ROBO1: variants seen among roughly 807,000 people sequenced by gnomAD.
ROBO1 encodes roundabout guidance receptor 1, also known as roundabout homolog 1.
A neutral mutation model predicts 195.9 loss-of-function variants in ROBO1; 149 were observed. That is an observed-to-expected ratio of 0.76 (90% confidence interval 0.67 to 0.87). ROBO1 has a LOEUF of 0.87. ROBO1 is among the 40% of genes least tolerant of loss of function. ROBO1 has a pLI of 0.00. For synonymous variants in ROBO1, 816 were observed against 733.2 expected, an observed-to-expected ratio of 1.11 and a Z score of -1.82; for missense variants, 1,933 against 2,068.3, an observed-to-expected ratio of 0.93 and a Z score of 1.27.
intron 4 of ROBO1, among the ~76,000 whole-genome samples, chr3:78,885,428 A>C (rs1359160771): frequency 4.0e-5 from 6 of 149,058 alleles, no homozygotes; most frequent in Admixed American, 2.7e-4. Context: ...AAAAAAAAAA[A>C]AAAAAAAAAA....
intron 2 of ROBO1, among the ~76,000 whole-genome samples, chr3:79,204,936 CTTTA>C (rs2081838941): frequency 6.6e-6 from 1 of 151,400 alleles, no homozygotes; most frequent in Admixed American, 6.6e-5. Context: ...TGTTTTTTAA[CTTTA>C]TTTTTCTCGC....
At chr3:79,056,338 A>G (rs973544817) in intron 3 of ROBO1, among the ~76,000 whole-genome samples, 3 of 152,098 alleles carry the variant, frequency 2.0e-5, no homozygotes, top group African/African-American at 7.2e-5. Context: ...TCTTCATTAT[A>G]TTGATGACAT....
chr3:79,624,384 T>A (rs1032613448), intron 1 of ROBO1, among the ~76,000 whole-genome samples: 1 of 151,948 alleles, frequency 6.6e-6, no homozygotes, highest in Non-Finnish European at 1.5e-5. Context: ...AACACCACAA[T>A]TAAAAGACAC....
chr3:79,331,156 G>T (rs1042560085), intron 2 of ROBO1, among the ~76,000 whole-genome samples: 7 of 152,096 alleles, frequency 4.6e-5, no homozygotes, highest in South Asian at 2.1e-4. Context: ...TGAAAGAGCA[G>T]AACTTTAAGA....
chr3:78,918,842 G>A (rs2038781878), intron 4 of ROBO1, among the ~76,000 whole-genome samples: 3 of 152,020 alleles, frequency 2.0e-5, no homozygotes. Flanking sequence ...CATAAAGTGA[G>A]TACTTTATGA....
chr3:79,677,660 C>T (rs1392058816), intron 1 of ROBO1, among the ~76,000 whole-genome samples: 1 of 152,068 alleles, frequency 6.6e-6, no homozygotes, highest in Non-Finnish European at 1.5e-5. Flanking sequence ...TATCAGCATG[C>T]AACTGCAAGT....
chr3:79,588,912 G>A (rs2107814252), intron 2 of ROBO1, among the ~76,000 whole-genome samples: 1 of 151,718 alleles, frequency 6.6e-6, no homozygotes, highest in South Asian at 2.1e-4. Flanking sequence ...CCAGCACAGG[G>A]AAAAATTGAA....
intron 4 of ROBO1, among the ~76,000 whole-genome samples, chr3:78,884,035 G>T (rs981461586): frequency 5.3e-5 from 8 of 152,158 alleles, no homozygotes; most frequent in Admixed American, 4.6e-4. Flanking sequence ...ACAGTGGGGA[G>T]AATGCAGATA....
chr3:78,858,528 A>G (rs1327309374), intron 4 of ROBO1, among the ~76,000 whole-genome samples: 1 of 146,392 alleles, frequency 6.8e-6, no homozygotes, highest in African/African-American at 2.5e-5. Flanking sequence ...CAGGAGTTTG[A>G]GACCAGCCTG....
At chr3:79,437,466 T>G (rs1364273432) in intron 2 of ROBO1, among the ~76,000 whole-genome samples, 2 of 151,932 alleles carry the variant, frequency 1.3e-5, no homozygotes, top group Non-Finnish European at 2.9e-5. Flanking sequence ...TATAAATATA[T>G]TAAGAAAGTA....
At chr3:79,021,733 T>G (rs944129333) in intron 3 of ROBO1, among the ~76,000 whole-genome samples, 3 of 145,134 alleles carry the variant, frequency 2.1e-5, no homozygotes, top group East Asian at 4.1e-4. Context: ...CGATCTCGGC[T>G]CACTGCAAGC....
At chr3:79,140,327 C>T (rs908738416) in intron 2 of ROBO1, among the ~76,000 whole-genome samples, 13 of 152,092 alleles carry the variant, frequency 8.5e-5, no homozygotes, top group African/African-American at 2.7e-4. Flanking sequence ...GGAATCACTA[C>T]AGCTAAATAT....
intron 4 of ROBO1, among the ~76,000 whole-genome samples, chr3:78,751,596 T>A (rs1003872287): frequency 6.6e-6 from 1 of 152,162 alleles, no homozygotes; most frequent in Non-Finnish European, 1.5e-5. Context: ...TATCATGATA[T>A]AATTAATATT....
intron 19 of ROBO1, among the ~76,000 whole-genome samples, chr3:78,649,767 TA>T (rs1706532588): frequency 6.6e-6 from 1 of 152,164 alleles, no homozygotes; most frequent in South Asian, 2.1e-4. Flanking sequence ...GATTTCTGCT[TA>T]AACACAAGCT....
chr3:78,838,301 C>T (rs1269818179), intron 4 of ROBO1, among the ~76,000 whole-genome samples: 1 of 152,312 alleles, frequency 6.6e-6, no homozygotes, highest in Non-Finnish European at 1.5e-5. Flanking sequence ...TCTACGTGTA[C>T]TTCAGGATGA....
At chr3:79,390,884 A>C (rs774260769) in intron 2 of ROBO1, among the ~76,000 whole-genome samples, 3 of 152,124 alleles carry the variant, frequency 2.0e-5, no homozygotes, top group African/African-American at 4.8e-5. Context: ...ACGGTAACTG[A>C]ACAGCTGTGT....
At chr3:79,737,640 A>T (rs1560145368) in intron 1 of ROBO1, among the ~76,000 whole-genome samples, 1 of 138,594 alleles carries the variant, frequency 7.2e-6, no homozygotes. Flanking sequence ...AATATAACAG[A>T]TGTTCTTTGT....
At chr3:78,651,986 A>G (rs1706692913) in intron 18 of ROBO1, 57 bp from the exon 19 acceptor site, 3 of 1,327,790 alleles carry the variant, frequency 2.3e-6, no homozygotes, top group South Asian at 2.7e-5. Context: ...TAATGCACGC[A>G]CTCATTTGTG....
chr3:79,252,783 A>T (rs544910961), intron 2 of ROBO1, among the ~76,000 whole-genome samples: 1 of 152,338 alleles, frequency 6.6e-6, no homozygotes, highest in South Asian at 2.1e-4. Flanking sequence ...TCTTTAAAAA[A>T]TTTTATAATC....
Sources: gnomAD v4.1 joint callset for allele counts (sites outside exome capture counted in the v4.1 genomes callset) on GRCh38, gnomAD v4.1.1 for gene constraint, MANE v1.5 for transcripts, NCBI Gene and HGNC (gene_info 2026-07-23, HGNC 2026-07-21) for gene names.